CSMD1: variants seen among roughly 807,000 people sequenced by gnomAD.
CSMD1 encodes CUB and sushi domain-containing protein 1.
CSMD1 carries 213 observed loss-of-function variants against 417.5 expected under a neutral mutation model. That is an observed-to-expected ratio of 0.51 (90% CI 0.46 to 0.57). The LOEUF (loss-of-function observed/expected upper bound fraction) is 0.57. Ranked by LOEUF, CSMD1 falls within the 20% of genes least tolerant of loss-of-function variation. CSMD1 has a pLI of 0.00. For missense variants in CSMD1, 6,923 were observed against 4,529.7 expected (o/e 1.53, Z -15.17); for synonymous variants, 2,862 against 1,736.8 (o/e 1.65, Z -16.11).
At chr8:3,075,989 T>A (rs149688319) in intron 49 of CSMD1, among the ~76,000 whole-genome samples, 8,624 of 150,614 alleles carry the variant, frequency 0.057, 289 homozygotes, top group Non-Finnish European at 0.073. Flanking sequence ...AGGCGCAGCT[T>A]GCAGTGAGCC....
chr8:3,343,326 T>C lies in CSMD1; in HGVS notation c.3599A>G (p.Asp1200Gly). Reference sequence around the variant, plus strand: ...GGTGAGTTGAAAACCTTGGTCGGTGTCAGATCCATTGGTGTTGAACTCTAG... The same window carrying C: ...GGTGAGTTGAAAACCTTGGTCGGTGCCAGATCCATTGGTGTTGAACTCTAG... ...LWLEFNTNGS[D>G]TDQGFQLTYT... The change falls in exon 23 of 70, where the codon GAC (aspartate) becomes GGC (glycine). Residue 1200 changes from aspartate (D) to glycine (G), a missense_variant. Physicochemically the swap from Asp to Gly is moderately conservative, Grantham distance 94 (BLOSUM62 -1). Transcript: ENST00000635120. 6.2e-7 allele frequency: 1 copy of C among 1,613,764 alleles called. No homozygotes were observed. The highest frequency in any genetic ancestry group is 8.5e-7 in the Non-Finnish European group (1 of 1,179,706).
intron 2 of CSMD1, among the ~76,000 whole-genome samples, chr8:4,560,426 T>C (rs1371131660): frequency 1.3e-5 from 2 of 152,242 alleles, no homozygotes; most frequent in African/African-American, 4.8e-5. Flanking sequence ...TCATGTCTGA[T>C]GGGCTTAGCA....
chr8:4,696,125 A>T (rs866543346), intron 1 of CSMD1, among the ~76,000 whole-genome samples: 1 of 152,344 alleles, frequency 6.6e-6, no homozygotes, highest in Non-Finnish European at 1.5e-5. Context: ...GCCTTGAAGA[A>T]TTCAGAGAAC....
chr8:3,142,045 C>T (rs1044123507), intron 41 of CSMD1, among the ~76,000 whole-genome samples: 1 of 152,160 alleles, frequency 6.6e-6, no homozygotes, highest in Non-Finnish European at 1.5e-5. Flanking sequence ...GATCCGCCCG[C>T]CTCGGCCTTC....
At position 3,440,530 on chromosome 8, in the gene CSMD1, C is replaced by T. The variant is rs139679079; in HGVS notation, c.1561+28182G>A. The stretch of plus-strand genomic sequence containing the variant: ...TGAAGTCACCAAACTGGGTTCTTGG[C>T]TCTAAGAGTTTATCTGTGAATTCTT... On this transcript the variant is annotated intron_variant, in intron 12 of 69. Coordinates refer to ENST00000635120, the MANE Select transcript of CSMD1 (RefSeq NM_033225.6). Among the ~76,000 whole-genome samples, 204 of 152,246 alleles carry T rather than the reference C, an allele frequency of 1.3e-3. 3 individuals are homozygous for T. Among genetic ancestry groups the T allele is most frequent in the African/African-American group, 4.7e-3 (194 of 41,558 alleles).
At chr8:4,325,203 G>A (rs763414840) in intron 3 of CSMD1, among the ~76,000 whole-genome samples, 13 of 152,180 alleles carry the variant, frequency 8.5e-5, no homozygotes, top group Non-Finnish European at 5.9e-5. Flanking sequence ...CATGAAAACA[G>A]ATGATACATT....
chr8:3,646,048 A>G (rs377119871), intron 7 of CSMD1, among the ~76,000 whole-genome samples: 1 of 146,276 alleles, frequency 6.8e-6, no homozygotes, highest in Non-Finnish European at 1.5e-5. Flanking sequence ...TAAATTCCCA[A>G]CCAAAAAAAA....
intron 2 of CSMD1, among the ~76,000 whole-genome samples, chr8:4,524,252 C>CA (rs57258882): frequency 0.054 from 6,982 of 129,174 alleles, 219 homozygotes; most frequent in African/African-American, 0.096. Context: ...AGACAACACT[C>CA]AAAAAAAAAA....
At chr8:3,174,461 C>G (rs926707215) in intron 37 of CSMD1, among the ~76,000 whole-genome samples, 4 of 152,176 alleles carry the variant, frequency 2.6e-5, no homozygotes, top group African/African-American at 9.7e-5. Context: ...TGCCACTGCA[C>G]TCCAGCCTGG....
chr8:4,506,458 C>T (rs1481956533), intron 2 of CSMD1, among the ~76,000 whole-genome samples: 8 of 152,122 alleles, frequency 5.3e-5, no homozygotes, highest in Admixed American at 5.2e-4. Context: ...CTCCCCTCCC[C>T]TATGCTAAGG....
At chr8:4,091,166 G>A (rs574555539) in intron 3 of CSMD1, among the ~76,000 whole-genome samples, 3 of 151,990 alleles carry the variant, frequency 2.0e-5, no homozygotes, top group Non-Finnish European at 4.4e-5. Context: ...TGATCCACAT[G>A]GCTCGGCCTC....
At chr8:3,896,930 A>G (rs979833957) in intron 5 of CSMD1, among the ~76,000 whole-genome samples, 38 of 152,028 alleles carry the variant, frequency 2.5e-4, no homozygotes, top group African/African-American at 9.2e-4. Context: ...TATCTCACAA[A>G]TCATGTCATC....
chr8:3,643,074 G>C (rs1484573539), intron 7 of CSMD1, among the ~76,000 whole-genome samples: 2 of 152,110 alleles, frequency 1.3e-5, no homozygotes, highest in Non-Finnish European at 2.9e-5. Context: ...GACGGCACGG[G>C]AGAGGGAGAG....
intron 3 of CSMD1, among the ~76,000 whole-genome samples, chr8:4,173,780 G>C (rs555326785): frequency 6.6e-6 from 1 of 152,198 alleles, no homozygotes; most frequent in East Asian, 1.9e-4. Flanking sequence ...CTCATTCTAT[G>C]ACTCAAAAGT....
At chr8:3,684,258 A>G (rs958041059) in intron 7 of CSMD1, among the ~76,000 whole-genome samples, 1 of 143,840 alleles carries the variant, frequency 7.0e-6, no homozygotes, top group African/African-American at 2.5e-5. Flanking sequence ...ATTATATAAA[A>G]TATATAGCTA....
intron 25 of CSMD1, among the ~76,000 whole-genome samples, chr8:3,305,029 G>T (rs1441713049): frequency 2.6e-5 from 4 of 152,038 alleles, no homozygotes; most frequent in Non-Finnish European, 4.4e-5. Context: ...TCAAAGTTAA[G>T]GACTAATATT....
intron 23 of CSMD1, among the ~76,000 whole-genome samples, chr8:3,331,976 T>G (rs1417198138): frequency 1.3e-5 from 2 of 152,118 alleles, no homozygotes; most frequent in African/African-American, 4.8e-5. Flanking sequence ...AGATAAATAA[T>G]GATAGATAAT....
intron 27 of CSMD1, among the ~76,000 whole-genome samples, chr8:3,225,884 T>C (rs1356888921): frequency 2.0e-5 from 3 of 152,144 alleles, no homozygotes; most frequent in Non-Finnish European, 4.4e-5. Context: ...TAGTAAAAAA[T>C]GCAACTCAGA....
chr8:3,551,783 G>A (rs1372005023), intron 10 of CSMD1, among the ~76,000 whole-genome samples: 2 of 152,100 alleles, frequency 1.3e-5, no homozygotes, highest in Non-Finnish European at 2.9e-5. Context: ...GATGTTCTCT[G>A]TAATGTGATC....
Sources: gnomAD v4.1 joint callset for allele counts (sites outside exome capture counted in the v4.1 genomes callset) on GRCh38, gnomAD v4.1.1 for gene constraint, MANE v1.5 for transcripts, NCBI Gene and HGNC (gene_info 2026-07-23, HGNC 2026-07-21) for gene names.